PTER: variants seen among roughly 807,000 people sequenced by gnomAD.
PTER encodes the protein N-acetyltaurine hydrolase.
In PTER, 38 loss-of-function variants were observed where a neutral mutation model predicts 29.6. That is an observed-to-expected ratio of 1.28 (90% CI 0.99 to 1.68). The LOEUF (loss-of-function observed/expected upper bound fraction) is 1.68, where lower values mean the gene tolerates loss of function less well. Ranked by LOEUF, PTER falls within the 40% of genes most tolerant of loss-of-function variation. The probability of loss-of-function intolerance (pLI) is 0.00; values close to 1 mark genes in which losing one functional copy is unlikely to be tolerated. For synonymous variants in PTER, 172 were observed against 154.5 expected (o/e 1.11, Z -0.84); for missense variants, 482 against 427.8 (o/e 1.13, Z -1.12).
chr10:16,441,635 A>T (rs1833852770), intron 1 of PTER, among the ~76,000 whole-genome samples: 1 of 152,202 alleles, frequency 6.6e-6, no homozygotes, highest in African/African-American at 2.4e-5. Flanking sequence ...TCCCCTTATT[A>T]TAGTCAGGCG....
intron 3 of PTER, among the ~76,000 whole-genome samples, chr10:16,487,459 T>C (rs1835746424): frequency 1.3e-5 from 2 of 152,214 alleles, no homozygotes; most frequent in African/African-American, 4.8e-5. Flanking sequence ...ACAGTTGCCA[T>C]TGGATTTATG....
At chr10:16,489,276 T>G (rs188364300) in intron 3 of PTER, among the ~76,000 whole-genome samples, 1 of 152,322 alleles carries the variant, frequency 6.6e-6, no homozygotes, top group African/African-American at 2.4e-5. Flanking sequence ...GTTGGTTACT[T>G]TTCAAATCTG....
In PTER at chr10:16,449,428, C is replaced by CTTTTT. The variant is rs35475659; in HGVS notation, c.-49+12398_-49+12402dup. ...GGATAAGGGTTTCAACAATAATTTT[C>CTTTTT]TTTTTTTTTTTTTTTTTTTTTGAGA... On this transcript the variant is annotated intron_variant, in intron 1 of 4. Coordinates refer to ENST00000535784, the MANE Select transcript of PTER (RefSeq NM_001261836.2). 1.3e-3 allele frequency among the ~76,000 whole-genome samples: 136 copies of CTTTTT among 101,848 alleles called. 4 individuals are homozygous for CTTTTT. Among genetic ancestry groups the CTTTTT allele is most frequent in the Admixed American group, 2.7e-3 (21 of 7,778 alleles). The allele number at this position is 101,848 out of a possible 152,430, so 66.8% of individuals were successfully genotyped here. A position where few individuals can be genotyped will look rare whatever the true frequency, so the allele number is the denominator to read the frequency against.
At chr10:16,456,182 C>A (rs1446306999) in intron 1 of PTER, among the ~76,000 whole-genome samples, 2 of 152,200 alleles carry the variant, frequency 1.3e-5, no homozygotes, top group Non-Finnish European at 2.9e-5. Flanking sequence ...CAAAGCAGCT[C>A]TAAAATACGT....
chr10:16,517,776 A>G (rs1401413582), downstream of PTER, among the ~76,000 whole-genome samples: 1 of 152,196 alleles, frequency 6.6e-6, no homozygotes, highest in Non-Finnish European at 1.5e-5. Flanking sequence ...GATCATATTT[A>G]TGGTGACATT....
chr10:16,501,473 CTG>C (rs893655233), intron 3 of PTER, among the ~76,000 whole-genome samples: 28 of 152,018 alleles, frequency 1.8e-4, no homozygotes, highest in African/African-American at 6.8e-4. Context: ...TCTAAAATAA[CTG>C]TAAAGATTTA....
At chr10:16,446,588 T>A (rs1834020730) in intron 1 of PTER, among the ~76,000 whole-genome samples, 1 of 152,180 alleles carries the variant, frequency 6.6e-6, no homozygotes, top group African/African-American at 2.4e-5. Context: ...CCCATTTGTG[T>A]ATTGAATTTA....
At chr10:16,479,334 A>G (rs1364734862) in intron 1 of PTER, among the ~76,000 whole-genome samples, 1 of 152,182 alleles carries the variant, frequency 6.6e-6, no homozygotes, top group Non-Finnish European at 1.5e-5. Context: ...CCATTACACC[A>G]TAAATAGCTG....
chr10:16,506,634 A>G (rs988541414), intron 4 of PTER, among the ~76,000 whole-genome samples: 3 of 152,122 alleles, frequency 2.0e-5, no homozygotes, highest in South Asian at 2.1e-4. Context: ...TGCTTTCTCC[A>G]TGGAAATGAG....
At chr10:16,453,730 G>T (rs889782931) in intron 1 of PTER, among the ~76,000 whole-genome samples, 6 of 152,100 alleles carry the variant, frequency 3.9e-5, no homozygotes, top group African/African-American at 4.8e-5. Flanking sequence ...GATATCAATG[G>T]TTTTCACATT....
At chr10:16,501,312 T>TA (rs1384992281) in intron 3 of PTER, among the ~76,000 whole-genome samples, 1 of 142,616 alleles carries the variant, frequency 7.0e-6, no homozygotes, top group Non-Finnish European at 1.5e-5. Context: ...ATATGTCAGT[T>TA]AAAAAAATGA....
At chr10:16,517,617 A>T (rs1317866594), downstream of PTER, among the ~76,000 whole-genome samples, 2 of 152,210 alleles carry the variant, frequency 1.3e-5, no homozygotes, top group Non-Finnish European at 2.9e-5. Context: ...ATGCACTGTC[A>T]TGGGCTTTCA....
intron 1 of PTER, among the ~76,000 whole-genome samples, chr10:16,468,318 G>A (rs944586344): frequency 1.3e-5 from 2 of 152,112 alleles, no homozygotes; most frequent in Non-Finnish European, 2.9e-5. Flanking sequence ...CTCCAGCCTG[G>A]GTGACAGAGC....
intron 3 of PTER, among the ~76,000 whole-genome samples, chr10:16,499,957 T>A (rs541858720): frequency 6.6e-6 from 1 of 151,632 alleles, no homozygotes; most frequent in Non-Finnish European, 1.5e-5. Flanking sequence ...CGTCTCAAAC[T>A]CCTGGGCTCA....
At chr10:16,484,278 A>G in intron 1 of PTER, 59 bp from the exon 2 acceptor site, 1 of 1,142,298 alleles carries the variant, frequency 8.8e-7, no homozygotes, top group Middle Eastern at 2.1e-4. Context: ...TACGGACAAG[A>G]GTTTATGTGT....
At chr10:16,444,954 G>A (rs58141231) in intron 1 of PTER, among the ~76,000 whole-genome samples, 2,680 of 152,226 alleles carry the variant, frequency 0.018, 74 homozygotes, top group African/African-American at 0.06. Flanking sequence ...TGAATGGGCT[G>A]TAAAACACTT....
intron 3 of PTER, among the ~76,000 whole-genome samples, chr10:16,489,122 G>A (rs1018900912): frequency 6.6e-6 from 1 of 151,794 alleles, no homozygotes; most frequent in Non-Finnish European, 1.5e-5. Context: ...TTCCATCCAC[G>A]TGCATCACTG....
At chr10:16,489,121 C>T (rs1835805616) in intron 3 of PTER, among the ~76,000 whole-genome samples, 1 of 152,150 alleles carries the variant, frequency 6.6e-6, no homozygotes, top group Non-Finnish European at 1.5e-5. Flanking sequence ...TTTCCATCCA[C>T]GTGCATCACT....
chr10:16,472,097 T>TA (rs1554789355), intron 1 of PTER, among the ~76,000 whole-genome samples: 3 of 152,210 alleles, frequency 2.0e-5, no homozygotes, highest in Non-Finnish European at 4.4e-5. Flanking sequence ...ATTCCCACAA[T>TA]ATGACTACTG....
Sources: allele counts gnomAD v4.1 joint callset (sites outside exome capture counted in the v4.1 genomes callset), GRCh38; gene constraint gnomAD v4.1.1; transcripts MANE v1.5; gene names NCBI Gene and HGNC (gene_info 2026-07-23, HGNC 2026-07-21).